The following AKR1C1 variants were observed in gnomAD, a reference collection of about 807,000 sequenced individuals.
AKR1C1 encodes the protein 20 alpha-hydroxysteroid dehydrogenase.
A neutral mutation model predicts 40.6 loss-of-function variants in AKR1C1; 32 were observed. That is an observed-to-expected ratio of 0.79 (90% CI 0.60 to 1.06). The LOEUF is 1.06. Among genes scored for constraint, AKR1C1 ranks in the 50% least tolerant of loss-of-function variants. The pLI, the probability that AKR1C1 is intolerant of heterozygous loss-of-function variation, is 0.00. For missense variants in AKR1C1, 320 were observed against 363.5 expected (o/e 0.88, Z 0.97); for synonymous variants, 105 against 134.2 (o/e 0.78, Z 1.50).
intron 3 of AKR1C1, 182 bp from the exon 4 acceptor site, chr10:4,968,127 G>A (rs12264439): frequency 0.24 from 257,850 of 1,061,382 alleles, 34,830 homozygotes; most frequent in African/African-American, 0.47. Flanking sequence ...AGATTAGAGG[G>A]AGCCTGTCAC....
chr10:4,967,226 T>A, intron 3 of AKR1C1, 183 bp downstream of exon 3: 1 of 991,878 alleles, frequency 1.0e-6, no homozygotes, highest in Non-Finnish European at 1.4e-6. Context: ...CTTCCGTGAT[T>A]GCATGTCTAT....
chr10:4,968,202 C>T (rs185076387), intron 3 of AKR1C1, 107 bp from the exon 4 acceptor site: 3 of 1,363,164 alleles, frequency 2.2e-6, no homozygotes, highest in Non-Finnish European at 3.1e-6. Flanking sequence ...TGGAGCACTG[C>T]ATCACCTACC....
chr10:4,976,948 G>T (rs1554770512), intron 8 of AKR1C1, among the ~76,000 whole-genome samples: 1 of 152,176 alleles, frequency 6.6e-6, no homozygotes, highest in Non-Finnish European at 1.5e-5. Flanking sequence ...ACCAATTAAT[G>T]TTTTTGGGGA....
chr10:4,975,193 T>C (rs1422815643), intron 7 of AKR1C1, among the ~76,000 whole-genome samples: 1 of 152,098 alleles, frequency 6.6e-6, no homozygotes, highest in Admixed American at 6.5e-5. Flanking sequence ...CAAATCTTCT[T>C]ACCTACATTC....
chr10:4,969,589 C>T, intron 5 of AKR1C1: 1 of 1,502,186 alleles, frequency 6.7e-7, no homozygotes, highest in Non-Finnish European at 9.1e-7. Context: ...ATGACTGCCC[C>T]CGCTCCTAGT....
At position 4,982,524 on chromosome 10, in the gene AKR1C1, G is replaced by C. The variant is rs1203099329; in HGVS notation, c.*4782G>C. On this transcript the variant is annotated 3_prime_UTR_variant, in exon 9 of 9. Coordinates refer to ENST00000380872, the MANE Select transcript of AKR1C1 (RefSeq NM_001353.6). ...AGCAGCCTGAGAACCACCCCTTGGC[G>C]CTCACAGGGGCTGCAGCCTGCCTTA... is the stretch of plus-strand genomic sequence containing the variant. 3.3e-4 allele frequency: 52 copies of C among 159,232 alleles called. No individual in the cohort carries two copies. Among genetic ancestry groups the C allele is most frequent in the South Asian group, 1.8e-3 (10 of 5,530 alleles). 9.9% of individuals were successfully genotyped at this position (159,232 alleles called of 1,614,324 possible).
chr10:4,967,736 A>G (rs1836354794), intron 3 of AKR1C1: 1 of 646,140 alleles, frequency 1.5e-6, no homozygotes, highest in South Asian at 6.8e-5. Context: ...TTATTACAAA[A>G]GGCTTTTTAA....
intron 8 of AKR1C1, among the ~76,000 whole-genome samples, chr10:4,977,208 T>A (rs1247136330): frequency 2.0e-5 from 3 of 152,248 alleles, no homozygotes; most frequent in African/African-American, 7.2e-5. Context: ...AAAACAACAA[T>A]TTACATTTCT....
chr10:4,968,153 A>G, intron 3 of AKR1C1, 156 bp from the exon 4 acceptor site: 2 of 1,112,852 alleles, frequency 1.8e-6, no homozygotes, highest in Non-Finnish European at 2.6e-6. Flanking sequence ...GACATTCCTT[A>G]TACCTTCATA....
At chr10:4,974,351 A>G (rs1292755233) in intron 7 of AKR1C1, among the ~76,000 whole-genome samples, 1 of 151,916 alleles carries the variant, frequency 6.6e-6, no homozygotes, top group Non-Finnish European at 1.5e-5. Flanking sequence ...ACTTAAATGT[A>G]TTCTTGAAAT....
chr10:4,970,949 T>G (rs561617446), intron 5 of AKR1C1, among the ~76,000 whole-genome samples: 3 of 151,868 alleles, frequency 2.0e-5, no homozygotes, highest in South Asian at 4.1e-4. Flanking sequence ...ACCCTCGAAC[T>G]TAAAGTATAA....
chr10:4,964,817 G>A (rs187324131), intron 1 of AKR1C1, among the ~76,000 whole-genome samples: 34 of 152,214 alleles, frequency 2.2e-4, no homozygotes, highest in East Asian at 9.7e-4. Flanking sequence ...CTGTCATGCC[G>A]ACAGAATGGC....
At chr10:4,969,222 G>A (rs1284202634) in intron 5 of AKR1C1, among the ~76,000 whole-genome samples, 3 of 152,202 alleles carry the variant, frequency 2.0e-5, no homozygotes, top group African/African-American at 7.2e-5. Flanking sequence ...TCAGGGAAAG[G>A]TGGACTTACC....
chr10:4,966,198 T>C lies in AKR1C1; in HGVS notation c.252+117T>C. The C allele has an allele frequency of 2.0e-6, 3 of 1,494,428 alleles. No homozygotes were observed. The South Asian group carries it at 4.3e-5, about 21-fold the overall frequency. The allele number at this position is 1,494,428 out of a possible 1,614,324, so 92.6% of individuals were successfully genotyped here. Reference sequence around the variant, plus strand: ...AATTGTGCTTATTTATTACGATTTATTCACACTTACTCATGTATTAAAACT... The same window carrying C: ...AATTGTGCTTATTTATTACGATTTACTCACACTTACTCATGTATTAAAACT... On this transcript the variant is annotated intron_variant, in intron 2 of 8. Coordinates refer to ENST00000380872, the MANE Select transcript of AKR1C1 (RefSeq NM_001353.6).
At chr10:4,968,715 G>C in intron 4 of AKR1C1, 107 bp from the exon 5 acceptor site, 1 of 1,544,772 alleles carries the variant, frequency 6.5e-7, no homozygotes, top group Non-Finnish European at 8.8e-7. Context: ...TCCCTTTTAA[G>C]AACCACGGCT....
intron 7 of AKR1C1, among the ~76,000 whole-genome samples, chr10:4,973,256 C>A (rs1836467934): frequency 6.6e-6 from 1 of 151,630 alleles, no homozygotes. Context: ...AAGACAAACC[C>A]ACTTAATATA....
Position 4,983,148 on chromosome 10 carries a change from G to A in AKR1C1, c.*5406G>A. On this transcript the variant is annotated 3_prime_UTR_variant, in exon 9 of 9. Transcript: ENST00000380872. ...CAGACAGATGCCCCATGGACATCCT[G>A]AAGCAGAGCTGCCTCACTGCCCTGC... 1 of 256,432 alleles carries A rather than the reference G, an allele frequency of 3.9e-6. No homozygotes were observed. The highest frequency in any genetic ancestry group is 7.7e-6 in the Non-Finnish European group (1 of 129,430). The allele number at this position is 256,432 out of a possible 1,614,324, so 15.9% of individuals were successfully genotyped here.
In AKR1C1 at chr10:4,967,129, T is replaced by C. The variant is rs1262304857; in HGVS notation, c.369+86T>C. On this transcript the variant is annotated intron_variant, in intron 3 of 8. Coordinates refer to ENST00000380872, the MANE Select transcript of AKR1C1 (RefSeq NM_001353.6). ...ATGGATATTTGAACTAAGCATTTTC[T>C]TAGGAGGACATAGGGATTATAACAT... is the stretch of plus-strand genomic sequence containing the variant. 8.8e-6 allele frequency: 12 copies of C among 1,367,538 alleles called. No individual in the cohort carries two copies. The Admixed American group carries it at 1.8e-4, about 20-fold the overall frequency. The allele number at this position is 1,367,538 out of a possible 1,614,324, so 84.7% of individuals were successfully genotyped here. A position where few individuals can be genotyped will look rare whatever the true frequency, so the allele number is the denominator to read the frequency against.
At chr10:4,963,702 G>A (rs1264488237) in intron 1 of AKR1C1, 174 bp downstream of exon 1, 2 of 741,856 alleles carry the variant, frequency 2.7e-6, no homozygotes, top group Non-Finnish European at 4.8e-6. Context: ...TTGTGGCACT[G>A]TTTTGTCTTC....
Sources: gnomAD v4.1 joint callset for allele counts (sites outside exome capture counted in the v4.1 genomes callset) on GRCh38, gnomAD v4.1.1 for gene constraint, MANE v1.5 for transcripts, NCBI Gene and HGNC (gene_info 2026-07-23, HGNC 2026-07-21) for gene names.